The following SLC2A9 variants were observed in gnomAD, a reference collection of about 807,000 sequenced individuals.
The protein encoded by SLC2A9 is solute carrier family 2 member 9, also known as solute carrier family 2, facilitated glucose transporter member 9.
Under a neutral mutation model 50.6 loss-of-function variants are expected in SLC2A9, and 39 were observed. The ratio of observed to expected loss-of-function variants is 0.77; its 90% CI spans 0.60 to 1.01. SLC2A9 has a LOEUF of 1.01. SLC2A9 is among the 50% of genes least tolerant of loss of function. The probability of loss-of-function intolerance (pLI) is 0.00; values close to 1 mark genes in which losing one functional copy is unlikely to be tolerated. For missense variants in SLC2A9, 686 were observed against 677.6 expected (o/e 1.01, Z -0.14); for synonymous variants, 324 against 276.9 (o/e 1.17, Z -1.69).
chr4:9,802,559 C>CTTTTTTTTTTT (rs1238703528), intron 3 of SLC2A9, among the ~76,000 whole-genome samples: 1 of 127,036 alleles, frequency 7.9e-6, no homozygotes, highest in Non-Finnish European at 1.6e-5. Flanking sequence ...TTGTTCTTTT[C>CTTTTTTTTTTT]TTTTTTTTTT....
chr4:9,929,040 T>C (rs1364366311), intron 6 of SLC2A9, among the ~76,000 whole-genome samples: 2 of 152,248 alleles, frequency 1.3e-5, no homozygotes, highest in Admixed American at 1.3e-4. Flanking sequence ...GCCAGCCTTG[T>C]CACCTGCTTC....
chr4:9,785,074 T>C (rs188309325), intron 3 of SLC2A9, among the ~76,000 whole-genome samples: 19 of 152,362 alleles, frequency 1.2e-4, no homozygotes, highest in African/African-American at 4.3e-4. Flanking sequence ...GTTCAGTTTC[T>C]GACCTCCTGT....
intron 1 of SLC2A9, among the ~76,000 whole-genome samples, chr4:10,029,514 C>T (rs1261870141): frequency 6.6e-6 from 1 of 150,522 alleles, no homozygotes; most frequent in African/African-American, 2.4e-5. Flanking sequence ...AATCCCAAAG[C>T]CAGGCTCCTT....
intron 8 of SLC2A9, among the ~76,000 whole-genome samples, chr4:9,895,094 G>T (rs1738275344): frequency 6.6e-6 from 1 of 152,198 alleles, no homozygotes; most frequent in Non-Finnish European, 1.5e-5. Flanking sequence ...ACAAAAGTCA[G>T]TTGAGAACCA....
At chr4:9,844,754 C>T (rs975908832) in intron 10 of SLC2A9, among the ~76,000 whole-genome samples, 7 of 152,168 alleles carry the variant, frequency 4.6e-5, no homozygotes, top group African/African-American at 1.7e-4. Flanking sequence ...ATATAAATTC[C>T]CATCACTTTA....
Position 9,826,548 on chromosome 4 carries a change from C to T in SLC2A9, c.1472G>A (p.Gly491Asp). ...CAGCACAAAATACAGGTAGATAGCA[C>T]CTGTGATACAAATTGTAGCAAAGAC... ...FLVFATICITGAIYLYFVLPE... is the reference protein window; with the variant it reads ...FLVFATICITDAIYLYFVLPE... The change falls in exon 12 of 12, where the codon GGT (glycine) becomes GAT (aspartate). Residue 491 changes from glycine (G) to aspartate (D), a missense_variant. Coordinates refer to ENST00000264784, the MANE Select transcript of SLC2A9 (RefSeq NM_020041.3). 3 of 1,614,028 alleles carry T rather than the reference C, an allele frequency of 1.9e-6. No homozygotes were observed. The highest frequency in any genetic ancestry group is 2.5e-6 in the Non-Finnish European group (3 of 1,179,960).
At chr4:9,775,504 C>T (rs1717428850), downstream of SLC2A9, among the ~76,000 whole-genome samples, 1 of 152,116 alleles carries the variant, frequency 6.6e-6, no homozygotes, top group African/African-American at 2.4e-5. Context: ...ATTGCAATCT[C>T]CAGTGCTGGA....
chr4:9,974,670 A>G (rs7682751), intron 5 of SLC2A9, among the ~76,000 whole-genome samples: 109,221 of 152,076 alleles, frequency 0.72, 40,315 homozygotes, highest in East Asian at 0.98. Context: ...TTAAAATAGC[A>G]ATACTGCCCA....
rs1187660895 is a variant in SLC2A9, at chr4:9,845,483, G to T, written c.1292-10475C>A. ...CTCGCTCTGTCGCCCAGGCTGGAGT[G>T]CAGTGGCGCGATCTCGGCTCACTGC... On this transcript the variant is annotated intron_variant, in intron 10 of 11. Coordinates refer to ENST00000264784, the MANE Select transcript of SLC2A9 (RefSeq NM_020041.3). Among the ~76,000 whole-genome samples the T allele has an allele frequency of 3.0e-5, 4 of 131,802 alleles. No homozygotes were observed. The East Asian group carries it at 8.7e-4, about 29-fold the overall frequency. 86.5% of individuals were successfully genotyped at this position (131,802 alleles called of 152,430 possible).
At chr4:9,886,861 T>C (rs1345761217) in intron 10 of SLC2A9, among the ~76,000 whole-genome samples, 1 of 152,154 alleles carries the variant, frequency 6.6e-6, no homozygotes, top group Non-Finnish European at 1.5e-5. Flanking sequence ...GGGTCCTCAG[T>C]TGCATTGCAT....
At chr4:9,823,394 C>T (rs953074243), downstream of SLC2A9, among the ~76,000 whole-genome samples, 3 of 152,118 alleles carry the variant, frequency 2.0e-5, no homozygotes, top group African/African-American at 4.8e-5. Flanking sequence ...CTCTCTAACT[C>T]GCCACTCCCC....
At chr4:9,865,851 A>G (rs1732371773) in intron 10 of SLC2A9, among the ~76,000 whole-genome samples, 1 of 152,238 alleles carries the variant, frequency 6.6e-6, no homozygotes, top group Admixed American at 6.5e-5. Context: ...GAGACAGCCC[A>G]AGGTCCCTGC....
chr4:9,997,781 G>C (rs1406582663), intron 2 of SLC2A9, among the ~76,000 whole-genome samples: 1 of 148,930 alleles, frequency 6.7e-6, no homozygotes, highest in Non-Finnish European at 1.5e-5. Flanking sequence ...AGCCATAAAA[G>C]AAAAAAAAAT....
At chr4:9,837,264 T>A (rs1452709248) in intron 10 of SLC2A9, among the ~76,000 whole-genome samples, 1 of 152,190 alleles carries the variant, frequency 6.6e-6, no homozygotes, top group East Asian at 1.9e-4. Flanking sequence ...AGACTCTATA[T>A]CTTAAAGGTA....
intron 6 of SLC2A9, among the ~76,000 whole-genome samples, chr4:9,930,958 G>C (rs1360814948): frequency 6.6e-6 from 1 of 152,188 alleles, no homozygotes; most frequent in Non-Finnish European, 1.5e-5. Context: ...ATGTGTGCAG[G>C]CTGTGTAGAT....
chr4:9,869,915 C>T (rs1466512579), intron 10 of SLC2A9, among the ~76,000 whole-genome samples: 1 of 152,210 alleles, frequency 6.6e-6, no homozygotes, highest in African/African-American at 2.4e-5. Flanking sequence ...AAATGGCAAA[C>T]ATATGATTAG....
intron 5 of SLC2A9, among the ~76,000 whole-genome samples, chr4:9,978,388 T>C (rs1189075565): frequency 2.0e-5 from 3 of 152,190 alleles, no homozygotes; most frequent in Non-Finnish European, 2.9e-5. Flanking sequence ...ATAAACAAAG[T>C]GGAATTTGGA....
intron 5 of SLC2A9, among the ~76,000 whole-genome samples, chr4:9,963,622 G>A (rs935988144): frequency 1.3e-5 from 2 of 152,200 alleles, no homozygotes; most frequent in African/African-American, 2.4e-5. Context: ...GTGGCTGGCA[G>A]GAGAGAGGGC....
intron 11 of SLC2A9, among the ~76,000 whole-genome samples, chr4:9,834,329 G>C (rs188403328): frequency 6.6e-6 from 1 of 152,248 alleles, no homozygotes; most frequent in East Asian, 1.9e-4. Flanking sequence ...CACACAGCTG[G>C]GACTCAACAT....
Sources: gnomAD v4.1 joint callset for allele counts (sites outside exome capture counted in the v4.1 genomes callset) on GRCh38, gnomAD v4.1.1 for gene constraint, MANE v1.5 for transcripts, NCBI Gene and HGNC (gene_info 2026-07-23, HGNC 2026-07-21) for gene names.